IQCM: variants seen among roughly 807,000 people sequenced by gnomAD.
IQCM encodes the protein IQ motif containing M, also known as IQ domain-containing protein M.
In IQCM, 45 loss-of-function variants were observed where a neutral mutation model predicts 57.6. The ratio of observed to expected loss-of-function variants is 0.78; its 90% CI spans 0.62 to 1.00. The LOEUF is 1.00. Among genes scored for constraint, IQCM ranks in the 50% least tolerant of loss-of-function variants. The pLI is 0.00. For synonymous variants in IQCM, 148 were observed against 158.9 expected (o/e 0.93, Z 0.51); for missense variants, 468 against 511.6 (o/e 0.91, Z 0.82).
At chr4:149,422,736 C>T (rs989816544) in intron 13 of IQCM, among the ~76,000 whole-genome samples, 3 of 151,946 alleles carry the variant, frequency 2.0e-5, no homozygotes, top group African/African-American at 4.8e-5. Context: ...CCTCTGTGCC[C>T]TCAGCTCCTC....
intron 12 of IQCM, among the ~76,000 whole-genome samples, chr4:149,480,845 C>A (rs980864598): frequency 3.9e-5 from 6 of 152,128 alleles, no homozygotes; most frequent in African/African-American, 1.4e-4. Flanking sequence ...ACACTGTTGT[C>A]CTTAGTGGTT....
intron 8 of IQCM, among the ~76,000 whole-genome samples, chr4:149,614,295 A>G (rs1387058326): frequency 6.6e-6 from 1 of 152,204 alleles, no homozygotes. Flanking sequence ...TTGAGAGTTA[A>G]GAAGCTATAA....
chr4:149,505,561 A>C (rs1488588810), intron 12 of IQCM, among the ~76,000 whole-genome samples: 2 of 152,188 alleles, frequency 1.3e-5, no homozygotes, highest in African/African-American at 4.8e-5. Context: ...GAAAAGCATA[A>C]AGAAGCAAGT....
intron 13 of IQCM, among the ~76,000 whole-genome samples, chr4:149,420,035 C>G (rs907673360): frequency 1.1e-4 from 16 of 152,122 alleles, no homozygotes; most frequent in African/African-American, 3.9e-4. Flanking sequence ...TCTTTTTACA[C>G]TGTTGGTGGG....
chr4:149,378,145 T>A lies in IQCM; in HGVS notation c.1391-26079A>T, dbSNP rs183345453. Among the ~76,000 whole-genome samples the A allele has an allele frequency of 3.3e-5, 5 of 152,264 alleles. No homozygotes were observed. The East Asian group carries it at 9.7e-4, about 29-fold the overall frequency. Reference sequence around the variant, plus strand: ...ATGTGCCTTTCATCTTCTGTCATGATTATGAGGCCTCCCCAGCCACACAGA... The same window carrying A: ...ATGTGCCTTTCATCTTCTGTCATGAATATGAGGCCTCCCCAGCCACACAGA... On this transcript the variant is annotated intron_variant, in intron 13 of 13. Coordinates refer to ENST00000636793, the MANE Select transcript of IQCM (RefSeq NM_001363507.2).
chr4:149,680,267 G>T (rs1029030311), intron 7 of IQCM, among the ~76,000 whole-genome samples: 1 of 151,286 alleles, frequency 6.6e-6, no homozygotes, highest in Non-Finnish European at 1.5e-5. Context: ...AATTCTCCAT[G>T]AAGTTATATG....
At chr4:149,360,812 C>T (rs564786679) in intron 13 of IQCM, among the ~76,000 whole-genome samples, 6 of 152,196 alleles carry the variant, frequency 3.9e-5, no homozygotes, top group Admixed American at 3.3e-4. Context: ...CAGACTAACA[C>T]AATAAATTGG....
intron 11 of IQCM, among the ~76,000 whole-genome samples, chr4:149,549,497 G>T (rs1027084105): frequency 3.3e-5 from 5 of 152,092 alleles, no homozygotes; most frequent in Non-Finnish European, 7.4e-5. Context: ...CAGCCTGGGC[G>T]ACAGAGCGAG....
intron 9 of IQCM, among the ~76,000 whole-genome samples, chr4:149,580,718 G>A (rs995098155): frequency 2.6e-5 from 4 of 151,644 alleles, no homozygotes; most frequent in African/African-American, 4.8e-5. Flanking sequence ...AAACTAACAC[G>A]TAATTATTTC....
At chr4:149,776,376 C>T (rs1384106717) in intron 2 of IQCM, among the ~76,000 whole-genome samples, 1 of 152,130 alleles carries the variant, frequency 6.6e-6, no homozygotes, top group Non-Finnish European at 1.5e-5. Context: ...AAGGACTAAT[C>T]TAAGGTCACA....
intron 12 of IQCM, among the ~76,000 whole-genome samples, chr4:149,496,740 A>G (rs150359696): frequency 6.6e-6 from 1 of 152,268 alleles, no homozygotes; most frequent in East Asian, 1.9e-4. Context: ...GTTTGTAGTA[A>G]CTTGCTATAG....
intron 7 of IQCM, among the ~76,000 whole-genome samples, chr4:149,645,643 CT>C (rs1758566849): frequency 6.6e-6 from 1 of 152,122 alleles, no homozygotes; most frequent in Admixed American, 6.5e-5. Flanking sequence ...TGAAAAATCC[CT>C]TCTTTTTCCA....
At chr4:149,495,706 G>C (rs893978068) in intron 12 of IQCM, among the ~76,000 whole-genome samples, 2 of 152,102 alleles carry the variant, frequency 1.3e-5, no homozygotes, top group Non-Finnish European at 1.5e-5. Context: ...GCAGAGCAGG[G>C]TGGAGCTGCC....
chr4:149,721,498 G>C (rs1765446513), intron 5 of IQCM, among the ~76,000 whole-genome samples: 1 of 152,020 alleles, frequency 6.6e-6, no homozygotes, highest in Non-Finnish European at 1.5e-5. Context: ...ATATGCCTTT[G>C]TGCAGCCTTA....
At chr4:149,578,981 T>C (rs1361318858) in intron 9 of IQCM, among the ~76,000 whole-genome samples, 2 of 151,872 alleles carry the variant, frequency 1.3e-5, no homozygotes, top group African/African-American at 2.4e-5. Context: ...TGTTCCTCCA[T>C]GAAAAAGCAA....
chr4:149,605,985 C>T (rs923259989), intron 8 of IQCM, among the ~76,000 whole-genome samples: 1 of 152,188 alleles, frequency 6.6e-6, no homozygotes, highest in South Asian at 2.1e-4. Context: ...TCTAAACCCA[C>T]CCTCAGTCAG....
chr4:149,488,230 T>C (rs750547487), intron 12 of IQCM, among the ~76,000 whole-genome samples: 3 of 152,170 alleles, frequency 2.0e-5, no homozygotes, highest in South Asian at 2.1e-4. Flanking sequence ...ATTTATCTAT[T>C]ACAAACAAAA....
At chr4:149,487,032 G>T (rs917764863) in intron 12 of IQCM, among the ~76,000 whole-genome samples, 1 of 152,106 alleles carries the variant, frequency 6.6e-6, no homozygotes, top group African/African-American at 2.4e-5. Flanking sequence ...CCACAGCTGG[G>T]AATGTTCTGG....
chr4:149,497,005 G>C (rs772836194), intron 12 of IQCM, among the ~76,000 whole-genome samples: 68 of 152,152 alleles, frequency 4.5e-4, no homozygotes, highest in Non-Finnish European at 6.0e-4. Flanking sequence ...AGAGTGGCAT[G>C]ATAGTTGCAG....
Sources: allele counts gnomAD v4.1 joint callset (sites outside exome capture counted in the v4.1 genomes callset), GRCh38; gene constraint gnomAD v4.1.1; transcripts MANE v1.5; gene names NCBI Gene and HGNC (gene_info 2026-07-23, HGNC 2026-07-21).